Variants in RFC1 observed in about 807,000 individuals in gnomAD.
The protein encoded by RFC1 is A1 140 kDa subunit.
A neutral mutation model predicts 137.4 loss-of-function variants in RFC1; 37 were observed. That is an observed-to-expected ratio of 0.27 (90% CI 0.21 to 0.35). RFC1 has a LOEUF of 0.35. Ranked by LOEUF, RFC1 falls within the 10% of genes least tolerant of loss-of-function variation. The pLI is 1.00. For missense variants in RFC1, 1,205 were observed against 1,358.5 expected, an observed-to-expected ratio of 0.89 and a Z score of 1.78; for synonymous variants, 429 against 455.7, an observed-to-expected ratio of 0.94 and a Z score of 0.75.
chr4:39,348,866 G>A (rs937327737), intron 2 of RFC1, among the ~76,000 whole-genome samples: 7 of 94,984 alleles, frequency 7.4e-5, no homozygotes, highest in African/African-American at 2.7e-4. Context: ...TAGAGGGCAG[G>A]GCATCAAGCC....
At chr4:39,351,289 A>AAAAAAAC in intron 2 of RFC1, 59 bp downstream of exon 2, 2 of 692,348 alleles carry the variant, frequency 2.9e-6, no homozygotes, top group South Asian at 2.5e-5. Flanking sequence ...AAAAAAACTT[A>AAAAAAAC]TAAGAACTGA....
At chr4:39,298,307 C>CAAAAAAAA (rs55727769) in intron 21 of RFC1, among the ~76,000 whole-genome samples, 13 of 111,212 alleles carry the variant, frequency 1.2e-4, no homozygotes, top group African/African-American at 3.8e-4. Context: ...GACCTTGTCT[C>CAAAAAAAA]AAAAAAAAAA....
intron 8 of RFC1, 131 bp from the exon 9 acceptor site, chr4:39,320,800 A>C: frequency 1.3e-6 from 1 of 741,638 alleles, no homozygotes; most frequent in African/African-American, 1.8e-5. Flanking sequence ...TAAAGTGTCA[A>C]GACCATCTGT....
At chr4:39,310,840 T>C in intron 12 of RFC1, among the ~76,000 whole-genome samples, 1 of 152,144 alleles carries the variant, frequency 6.6e-6, no homozygotes. Context: ...AACCTTTGCA[T>C]AAAGTCAACG....
chr4:39,347,818 A>G (rs1335946368), intron 2 of RFC1, among the ~76,000 whole-genome samples: 3 of 152,234 alleles, frequency 2.0e-5, no homozygotes, highest in Non-Finnish European at 4.4e-5. Context: ...CCAACCTGGT[A>G]AGGTTTTACA....
chr4:39,348,927 T>G (rs544491227), intron 2 of RFC1, among the ~76,000 whole-genome samples: 1 of 152,282 alleles, frequency 6.6e-6, no homozygotes, highest in African/African-American at 2.4e-5. Flanking sequence ...CCTTGCTAGG[T>G]TTTGGACTTG....
At chr4:39,310,342 T>A (rs1261598538) in intron 12 of RFC1, among the ~76,000 whole-genome samples, 1 of 152,098 alleles carries the variant, frequency 6.6e-6, no homozygotes, top group Non-Finnish European at 1.5e-5. Flanking sequence ...AAATGTAAGG[T>A]TCGAAAAATA....
intron 2 of RFC1, among the ~76,000 whole-genome samples, chr4:39,349,468 A>ATC (rs1192605223): frequency 6.6e-6 from 1 of 152,082 alleles, no homozygotes; most frequent in Admixed American, 6.6e-5. Flanking sequence ...CCAGTGCTCA[A>ATC]TCTCTCTCTC....
chr4:39,308,800 T>C lies in RFC1; in HGVS notation c.1721A>G (p.Asp574Gly). The change falls in exon 13 of 25, where the codon GAT becomes GGT. Residue 574 changes from aspartate (D) to glycine (G), a missense_variant. Physicochemically the swap from Asp to Gly is moderately conservative, Grantham distance 94. Coordinates refer to ENST00000349703, the MANE Select transcript of RFC1 (RefSeq NM_002913.5). Reference protein sequence around the residue: ...SGDSKARNLADDSSENKVENL... With the variant: ...SGDSKARNLAGDSSENKVENL... ...TTCCACTTTGTTTTCACTGCTGTCA[T>C]CAGCCAAATTCCTAGCCTTGCTGTC... 1.2e-6 allele frequency: 2 copies of C among 1,614,208 alleles called. No individual in the cohort carries two copies. Among genetic ancestry groups the C allele is most frequent in the Non-Finnish European group, 1.7e-6 (2 of 1,180,036 alleles).
rs771093293 is a variant in RFC1 at position 39,300,384 on chromosome 4, C to T, written c.2566G>A (p.Ala856Thr). 1.5e-5 allele frequency: 24 copies of T among 1,613,968 alleles called. No homozygotes were observed. The highest frequency in any genetic ancestry group is 1.9e-5 in the Non-Finnish European group (23 of 1,179,972). Residue 856 changes from alanine to threonine, a missense_variant, in exon 20 of 25, where the codon GCA (alanine) becomes ACA (threonine). Ala to Thr is a moderately conservative substitution (Grantham distance 58). Transcript: ENST00000349703. The part of the protein sequence containing the change: ...GPFDVARKVF[A>T]AGEETAHMSL... ...ATGTGAGCAGTCTCCTCTCCAGCTG[C>T]AAACACTTTCCGGGCAACATCAAAT...
At chr4:39,294,064 T>G (rs1242400320) in intron 22 of RFC1, among the ~76,000 whole-genome samples, 1 of 152,172 alleles carries the variant, frequency 6.6e-6, no homozygotes, top group Non-Finnish European at 1.5e-5. Context: ...CAGGAAAATC[T>G]TCCCAGCTCA....
At chr4:39,305,358 C>T (rs937022887) in intron 14 of RFC1, among the ~76,000 whole-genome samples, 1 of 152,068 alleles carries the variant, frequency 6.6e-6, no homozygotes, top group Non-Finnish European at 1.5e-5. Flanking sequence ...GTAATACCAG[C>T]GCTTTTGGGA....
At chr4:39,348,456 A>AGAG in intron 2 of RFC1, among the ~76,000 whole-genome samples, 1 of 127,276 alleles carries the variant, frequency 7.9e-6, no homozygotes, top group Non-Finnish European at 1.8e-5. Context: ...AAAGAAAAGA[A>AGAG]AAGAAAAGAA....
chr4:39,363,573 T>C (rs534263861), intron 1 of RFC1, among the ~76,000 whole-genome samples: 38 of 152,216 alleles, frequency 2.5e-4, no homozygotes, highest in African/African-American at 8.2e-4. Context: ...GCAAGAGCTG[T>C]CTATGGATGG....
intron 3 of RFC1, among the ~76,000 whole-genome samples, chr4:39,345,039 T>G (rs1229407696): frequency 1.3e-5 from 2 of 152,186 alleles, no homozygotes; most frequent in Non-Finnish European, 2.9e-5. Flanking sequence ...TGTTTTTTCT[T>G]GAGACAAAGT....
Position 39,289,664 on chromosome 4 carries a change from G to A in RFC1, c.3360+184C>T, listed in dbSNP as rs948519105. On this transcript the variant is annotated intron_variant, in intron 24 of 24. Coordinates refer to ENST00000349703, the MANE Select transcript of RFC1 (RefSeq NM_002913.5). ...CTGTTTTCTTGCTGTTTGGCTCTTC[G>A]ACTACCATAAGAAACTTTATAAAAA... 2.8e-5 allele frequency: 15 copies of A among 531,042 alleles called. 1 individual carries two copies. The highest frequency in any genetic ancestry group is 8.9e-5 in the South Asian group (3 of 33,662). 32.9% of individuals were successfully genotyped at this position (531,042 alleles called of 1,614,324 possible).
chr4:39,309,593 G>T (rs1363802153), intron 12 of RFC1, among the ~76,000 whole-genome samples: 1 of 152,224 alleles, frequency 6.6e-6, no homozygotes, highest in East Asian at 1.9e-4. Flanking sequence ...ATATTCTAAT[G>T]TCTCCATACA....
chr4:39,357,196 A>G (rs1430258936), intron 1 of RFC1, among the ~76,000 whole-genome samples: 1 of 152,214 alleles, frequency 6.6e-6, no homozygotes, highest in Non-Finnish European at 1.5e-5. Context: ...ACAGAAATAG[A>G]GAATAGAAAC....
At chr4:39,302,163 C>T in intron 19 of RFC1, 115 bp downstream of exon 19, 1 of 671,570 alleles carries the variant, frequency 1.5e-6, no homozygotes, top group South Asian at 1.7e-5. Flanking sequence ...TACTATATAT[C>T]CCTGGATTCC....
Sources: allele counts gnomAD v4.1 joint callset (sites outside exome capture counted in the v4.1 genomes callset), GRCh38; gene constraint gnomAD v4.1.1; transcripts MANE v1.5; gene names NCBI Gene and HGNC (gene_info 2026-07-23, HGNC 2026-07-21).